Variants in WDPCP observed in about 807,000 individuals in gnomAD.
The protein encoded by WDPCP is WD repeat-containing and planar cell polarity effector protein fritz homolog.
In WDPCP, 71 loss-of-function variants were observed where a neutral mutation model predicts 93.1. The observed-to-expected ratio is 0.76, with a 90% CI of 0.63 to 0.93. The LOEUF (loss-of-function observed/expected upper bound fraction) is 0.93, where lower values mean the gene tolerates loss of function less well. WDPCP is among the 40% of genes least tolerant of loss of function. The pLI, the probability that WDPCP is intolerant of heterozygous loss-of-function variation, is 0.00. For missense variants in WDPCP, 844 were observed against 887.4 expected (o/e 0.95, Z 0.62); for synonymous variants, 315 against 315.0 (o/e 1.00, Z 0.00).
Position 63,609,863 on chromosome 2 carries a change from T to C in WDPCP, n.488+40796A>G, listed in dbSNP as rs551387402. On this transcript the variant is annotated intron_variant and non_coding_transcript_variant, in intron 3 of 4. Coordinates refer to the WDPCP transcript ENST00000467687. ...CTTTAGTCTGGGTGACAGAGCAAGA[T>C]TGTCTTTTTAAAAAACAAAAGAAAA... 2.8e-3 allele frequency among the ~76,000 whole-genome samples: 425 copies of C among 152,274 alleles called. 1 individual carries two copies. The highest frequency in any genetic ancestry group is 9.5e-3 in the African/African-American group (394 of 41,550).
In WDPCP at chr2:63,559,851, A is replaced by G. The variant is rs149834199; in HGVS notation, c.75+28346T>C. The stretch of plus-strand genomic sequence containing the variant: ...AAGAATCAATATCATGAAAATGATC[A>G]TACTGCCCAAAGTAATTTATAGATT... On this transcript the variant is annotated intron_variant, in intron 1 of 17. Transcript: ENST00000272321. Among the ~76,000 whole-genome samples the G allele has an allele frequency of 7.7e-3, 1,179 of 152,360 alleles. 10 individuals are homozygous for G. Among genetic ancestry groups the G allele is most frequent in the Middle Eastern group, 0.02 (6 of 294 alleles).
chr2:63,246,225 T>A (rs1265979168), intron 14 of WDPCP, among the ~76,000 whole-genome samples: 2 of 152,116 alleles, frequency 1.3e-5, no homozygotes, highest in Non-Finnish European at 2.9e-5. Flanking sequence ...CAGGAGTGAA[T>A]TTCTCACCAG....
intron 2 of WDPCP, among the ~76,000 whole-genome samples, chr2:63,757,081 T>G (rs1251247200): frequency 6.6e-6 from 1 of 152,188 alleles, no homozygotes; most frequent in Non-Finnish European, 1.5e-5. Context: ...ATTGGTTATA[T>G]ATGAGAAATT....
chr2:63,433,732 G>C lies in WDPCP; in HGVS notation c.825+13C>G. 2 of 1,601,702 alleles carry C rather than the reference G, an allele frequency of 1.2e-6. No individual in the cohort carries two copies. Among genetic ancestry groups the C allele is most frequent in the Non-Finnish European group, 1.7e-6 (2 of 1,170,680 alleles). On this transcript the variant is annotated intron_variant, in intron 9 of 17. Transcript: ENST00000272321. ...ACACTTTATTAAAATGTACATATTTGTTTTAGATTTACCTCTAGTCTTCCT... is the reference window on the plus strand; with the variant it reads ...ACACTTTATTAAAATGTACATATTTCTTTTAGATTTACCTCTAGTCTTCCT...
chr2:63,457,538 T>C (rs1304554144), intron 6 of WDPCP, among the ~76,000 whole-genome samples: 1 of 152,004 alleles, frequency 6.6e-6, no homozygotes, highest in Non-Finnish European at 1.5e-5. Context: ...TAAATAAAAA[T>C]AGATGCAAAA....
chr2:63,714,055 C>CTTTTTTTTTT (rs747120283), intron 2 of WDPCP, among the ~76,000 whole-genome samples: 1 of 135,068 alleles, frequency 7.4e-6, no homozygotes, highest in Non-Finnish European at 1.6e-5. Context: ...CTTTTTTATT[C>CTTTTTTTTTT]TTTTTTTTTT....
At chr2:63,799,217 T>C (rs1235721806) in intron 2 of WDPCP, among the ~76,000 whole-genome samples, 1 of 152,152 alleles carries the variant, frequency 6.6e-6, no homozygotes, top group Non-Finnish European at 1.5e-5. Flanking sequence ...CCAAGAAATC[T>C]AGCCTATGAA....
At chr2:63,227,782 T>C (rs1445710324) in intron 14 of WDPCP, among the ~76,000 whole-genome samples, 5 of 152,106 alleles carry the variant, frequency 3.3e-5, no homozygotes, top group Non-Finnish European at 4.4e-5. Flanking sequence ...GTGCTAATAG[T>C]AGTTATTTTT....
chr2:63,622,913 G>T, intron 3 of WDPCP: 1 of 1,175,374 alleles, frequency 8.5e-7, no homozygotes, highest in South Asian at 1.3e-5. Flanking sequence ...GGGCCAGGCC[G>T]GGGCTCGGCG....
intron 1 of WDPCP, among the ~76,000 whole-genome samples, chr2:63,571,882 T>TTA (rs1707531742): frequency 6.6e-6 from 1 of 152,170 alleles, no homozygotes; most frequent in Non-Finnish European, 1.5e-5. Flanking sequence ...CACATATATT[T>TTA]TATATATATT....
intron 1 of WDPCP, among the ~76,000 whole-genome samples, chr2:63,818,140 A>G (rs1670967326): frequency 6.6e-6 from 1 of 152,224 alleles, no homozygotes; most frequent in Non-Finnish European, 1.5e-5. Context: ...TTGGCAACCA[A>G]TGGGGCCAGG....
At chr2:63,689,934 G>A (rs552120086) in intron 2 of WDPCP, among the ~76,000 whole-genome samples, 1 of 152,296 alleles carries the variant, frequency 6.6e-6, no homozygotes, top group African/African-American at 2.4e-5. Context: ...TCATTGCAAA[G>A]TGACTAGCAC....
At chr2:63,407,625 C>T (rs752712359) in intron 9 of WDPCP, among the ~76,000 whole-genome samples, 6 of 152,114 alleles carry the variant, frequency 3.9e-5, no homozygotes, top group Admixed American at 1.3e-4. Flanking sequence ...CTTAACTAAC[C>T]GTACTTACAT....
intron 1 of WDPCP, among the ~76,000 whole-genome samples, chr2:63,822,508 A>C (rs1671038583): frequency 6.6e-6 from 1 of 152,236 alleles, no homozygotes; most frequent in South Asian, 2.1e-4. Flanking sequence ...AATAACATAT[A>C]ACTCACAGAT....
At chr2:63,180,523 T>C (rs145358177) in intron 14 of WDPCP, among the ~76,000 whole-genome samples, 30 of 152,310 alleles carry the variant, frequency 2.0e-4, no homozygotes, top group African/African-American at 7.2e-4. Context: ...TTTTATTCTT[T>C]TATATGGCTG....
chr2:63,146,942 CT>C (rs1671557615), intron 17 of WDPCP, among the ~76,000 whole-genome samples: 1 of 152,172 alleles, frequency 6.6e-6, no homozygotes, highest in African/African-American at 2.4e-5. Flanking sequence ...ATATTTAAAA[CT>C]TTTCATAATA....
chr2:63,760,596 G>A (rs1173856620), intron 2 of WDPCP, among the ~76,000 whole-genome samples: 5 of 151,638 alleles, frequency 3.3e-5, no homozygotes, highest in Non-Finnish European at 7.4e-5. Flanking sequence ...CCTCCTCCTA[G>A]GGTAGAACTG....
chr2:63,538,355 G>GA (rs1704465041), intron 1 of WDPCP, among the ~76,000 whole-genome samples: 1 of 152,076 alleles, frequency 6.6e-6, no homozygotes, highest in Non-Finnish European at 1.5e-5. Flanking sequence ...TGCTAGTGTA[G>GA]AAAAAGAAGA....
At chr2:63,833,056 C>T in the WDPCP span, among the ~76,000 whole-genome samples, 5 of 152,248 alleles carry the variant, frequency 3.3e-5, no homozygotes, top group South Asian at 4.1e-4. Flanking sequence ...AGTTCAGGAC[C>T]GGCCTGGCCA....
Sources: gnomAD v4.1 joint callset for allele counts (sites outside exome capture counted in the v4.1 genomes callset) on GRCh38, gnomAD v4.1.1 for gene constraint, MANE v1.5 for transcripts, NCBI Gene and HGNC (gene_info 2026-07-23, HGNC 2026-07-21) for gene names.